KLHL32: variants seen among roughly 807,000 people sequenced by gnomAD.
KLHL32 encodes the protein kelch-like protein 32.
Under a neutral mutation model 64.8 loss-of-function variants are expected in KLHL32, and 35 were observed. The observed-to-expected ratio is 0.54, with a 90% CI of 0.41 to 0.72. KLHL32 has a LOEUF of 0.72. Ranked by LOEUF, KLHL32 falls within the 30% of genes least tolerant of loss-of-function variation. The pLI is 0.00. For missense variants in KLHL32, 589 were observed against 768.5 expected (o/e 0.77, Z 2.76); for synonymous variants, 259 against 281.0 (o/e 0.92, Z 0.78).
At chr6:96,905,687 C>T in the KLHL32 span, among the ~76,000 whole-genome samples, 8 of 152,172 alleles carry the variant, frequency 5.3e-5, no homozygotes, top group Non-Finnish European at 1.2e-4. Flanking sequence ...CATTCAAAAA[C>T]TATTAGCTAT....
intron 2 of KLHL32, among the ~76,000 whole-genome samples, chr6:96,969,342 C>T (rs1229202901): frequency 6.6e-6 from 1 of 152,188 alleles, no homozygotes; most frequent in Non-Finnish European, 1.5e-5. Flanking sequence ...ACTTTGACCT[C>T]ATTGTAATGT....
intron 3 of KLHL32, among the ~76,000 whole-genome samples, chr6:96,985,593 ACTTCT>A (rs1194361852): frequency 6.6e-6 from 1 of 151,740 alleles, no homozygotes; most frequent in Non-Finnish European, 1.5e-5. Flanking sequence ...TTTTCTCTAA[ACTTCT>A]CTTCTTGCTT....
chr6:96,964,373 G>A lies in KLHL32; in HGVS notation c.-65-2623G>A, dbSNP rs557531252. 2.0e-5 allele frequency among the ~76,000 whole-genome samples: 3 copies of A among 152,340 alleles called. No individual in the cohort carries two copies. In the South Asian group the frequency reaches 6.2e-4, roughly 32 times the overall value. On this transcript the variant is annotated intron_variant, in intron 1 of 10. Coordinates refer to ENST00000369261, the MANE Select transcript of KLHL32 (RefSeq NM_052904.4). ...AACTTTTTATAAAAACAAATATATG[G>A]TCGGGCGCAGTGGCTCATGCCTGTA... is the stretch of plus-strand genomic sequence containing the variant.
At chr6:97,037,136 ATTATT>A (rs1784417772) in intron 3 of KLHL32, among the ~76,000 whole-genome samples, 1 of 152,052 alleles carries the variant, frequency 6.6e-6, no homozygotes, top group African/African-American at 2.4e-5. Flanking sequence ...TATTTTGAAT[ATTATT>A]TTATTTTTTC....
the KLHL32 span, among the ~76,000 whole-genome samples, chr6:96,898,609 TCTC>T: frequency 6.6e-6 from 1 of 152,080 alleles, no homozygotes; most frequent in Non-Finnish European, 1.5e-5. Flanking sequence ...AGTCATTCCC[TCTC>T]CTATTTCTCT....
At chr6:96,959,391 C>T (rs1773642946) in intron 1 of KLHL32, among the ~76,000 whole-genome samples, 1 of 152,194 alleles carries the variant, frequency 6.6e-6, no homozygotes, top group South Asian at 2.1e-4. Context: ...AATTTATTTT[C>T]TCACAATTCT....
At chr6:96,964,487 A>C (rs1420389062) in intron 1 of KLHL32, among the ~76,000 whole-genome samples, 3 of 152,176 alleles carry the variant, frequency 2.0e-5, no homozygotes, top group Non-Finnish European at 2.9e-5. Flanking sequence ...CCCCGTCTCT[A>C]CTTAAAATAC....
At chr6:96,983,713 G>A (rs528527884) in intron 3 of KLHL32, among the ~76,000 whole-genome samples, 3 of 151,886 alleles carry the variant, frequency 2.0e-5, no homozygotes, top group African/African-American at 7.2e-5. Flanking sequence ...TATTTCTGTG[G>A]GATCGGTGGT....
Position 97,042,353 on chromosome 6 carries a change from G to A in KLHL32, c.312+754G>A, listed in dbSNP as rs185292218. 2.8e-3 allele frequency among the ~76,000 whole-genome samples: 420 copies of A among 152,288 alleles called. 4 individuals are homozygous for A. Among genetic ancestry groups the A allele is most frequent in the African/African-American group, 9.6e-3 (399 of 41,556 alleles). On this transcript the variant is annotated intron_variant, in intron 4 of 10. Coordinates refer to ENST00000369261, the MANE Select transcript of KLHL32 (RefSeq NM_052904.4). ...CACTGGTATTGGAGTTATAACAGAA[G>A]CAGAATACAAAACAGAGTGGGAGAA...
At chr6:96,915,775 A>G in the KLHL32 span, among the ~76,000 whole-genome samples, 46 of 152,316 alleles carry the variant, frequency 3.0e-4, 1 homozygote, top group East Asian at 6.9e-3. Context: ...AAAAGGTCAG[A>G]ATATGCCACC....
chr6:97,115,997 C>T (rs911830514), intron 7 of KLHL32, among the ~76,000 whole-genome samples: 1 of 120,332 alleles, frequency 8.3e-6, no homozygotes, highest in Non-Finnish European at 1.8e-5. Context: ...TTTGACTGTT[C>T]TTCTGCTGTC....
intron 3 of KLHL32, among the ~76,000 whole-genome samples, chr6:97,023,088 G>T (rs1027626213): frequency 9.2e-5 from 14 of 152,248 alleles, no homozygotes; most frequent in African/African-American, 3.4e-4. Context: ...CCTCCCACCA[G>T]GTCTCTCCCT....
intron 7 of KLHL32, among the ~76,000 whole-genome samples, chr6:97,118,289 T>C (rs1798005785): frequency 6.6e-6 from 1 of 152,202 alleles, no homozygotes; most frequent in Non-Finnish European, 1.5e-5. Context: ...AATTGCCTTA[T>C]CTTTTTGCAG....
At chr6:97,015,947 C>A (rs939134750) in intron 3 of KLHL32, among the ~76,000 whole-genome samples, 3 of 152,142 alleles carry the variant, frequency 2.0e-5, no homozygotes, top group Non-Finnish European at 4.4e-5. Flanking sequence ...AAGCTCCAAG[C>A]CTTGGAGGCT....
At chr6:97,079,037 G>A (rs1463477814) in intron 5 of KLHL32, among the ~76,000 whole-genome samples, 3 of 152,104 alleles carry the variant, frequency 2.0e-5, no homozygotes, top group African/African-American at 7.2e-5. Flanking sequence ...CTAGGCTGTG[G>A]GTTATGTGTG....
chr6:97,012,669 G>A (rs1273626826), intron 3 of KLHL32, among the ~76,000 whole-genome samples: 1 of 152,164 alleles, frequency 6.6e-6, no homozygotes, highest in East Asian at 1.9e-4. Context: ...TTTCAGATGT[G>A]GCTTTGCTTA....
At chr6:97,019,575 G>A (rs991405518) in intron 3 of KLHL32, among the ~76,000 whole-genome samples, 13 of 152,160 alleles carry the variant, frequency 8.5e-5, no homozygotes, top group African/African-American at 4.8e-5. Flanking sequence ...AAGTCGGTCT[G>A]CCCACAGTTC....
intron 3 of KLHL32, among the ~76,000 whole-genome samples, chr6:96,997,084 T>C (rs924226648): frequency 6.6e-6 from 1 of 152,006 alleles, no homozygotes; most frequent in African/African-American, 2.4e-5. Context: ...AGCAAAGGGA[T>C]GTTCATGCTG....
At chr6:97,038,914 A>AACC (rs1784685659) in intron 3 of KLHL32, among the ~76,000 whole-genome samples, 2 of 151,634 alleles carry the variant, frequency 1.3e-5, no homozygotes, top group South Asian at 4.2e-4. Flanking sequence ...AACATGGTGA[A>AACC]ACCCCGCTCT....
Sources: gnomAD v4.1 joint callset for allele counts (sites outside exome capture counted in the v4.1 genomes callset) on GRCh38, gnomAD v4.1.1 for gene constraint, MANE v1.5 for transcripts, NCBI Gene and HGNC (gene_info 2026-07-23, HGNC 2026-07-21) for gene names.